COPS7B: variants seen among roughly 807,000 people sequenced by gnomAD.
COPS7B encodes the protein COP9 signalosome subunit 7B.
Under a neutral mutation model 33.4 loss-of-function variants are expected in COPS7B, and 9 were observed. The ratio of observed to expected loss-of-function variants is 0.27; its 90% CI spans 0.16 to 0.47. The LOEUF is 0.47. COPS7B is among the 20% of genes least tolerant of loss of function. The pLI is 0.99. For missense variants in COPS7B, 242 were observed against 318.2 expected (o/e 0.76, Z 1.82); for synonymous variants, 119 against 126.3 (o/e 0.94, Z 0.39).
chr2:231,799,258 T>C (rs1210241847), intron 6 of COPS7B, among the ~76,000 whole-genome samples: 1 of 151,924 alleles, frequency 6.6e-6, no homozygotes, highest in Non-Finnish European at 1.5e-5. Context: ...CAAAAGAAAA[T>C]GAGTTTGGGG....
chr2:231,807,982 C>G lies in COPS7B; in HGVS notation c.*337C>G, dbSNP rs2049944242. The G allele has an allele frequency of 4.6e-6, 1 of 216,686 alleles. No homozygotes were observed. The highest frequency in any genetic ancestry group is 5.5e-5 in the Admixed American group (1 of 18,212). The allele number at this position is 216,686 out of a possible 1,614,324, so 13.4% of individuals were successfully genotyped here. Reference sequence around the variant, plus strand: ...TTTTGCTCCACGTCATTTTGTCAGGCTGGTTATAAGCCGGAGGCAGCTTTA... The same window carrying G: ...TTTTGCTCCACGTCATTTTGTCAGGGTGGTTATAAGCCGGAGGCAGCTTTA... On this transcript the variant is annotated 3_prime_UTR_variant, in exon 7 of 7. Coordinates refer to ENST00000350033, the MANE Select transcript of COPS7B (RefSeq NM_022730.4).
intron 6 of COPS7B, among the ~76,000 whole-genome samples, chr2:231,805,573 C>T (rs573445907): frequency 6.6e-6 from 1 of 151,624 alleles, no homozygotes; most frequent in African/African-American, 2.4e-5. Context: ...AAGTGATCCT[C>T]CTGCCTCAGC....
chr2:231,788,168 G>A (rs963390186), intron 1 of COPS7B, among the ~76,000 whole-genome samples: 6 of 130,288 alleles, frequency 4.6e-5, no homozygotes, highest in Non-Finnish European at 6.2e-5. Flanking sequence ...AGACAGTCTC[G>A]CTCTGTTGCC....
chr2:231,789,227 G>A (rs2049339542), intron 2 of COPS7B: 1 of 153,198 alleles, frequency 6.5e-6, no homozygotes, highest in Admixed American at 6.5e-5. Context: ...TGAAAAGCTA[G>A]GACATAGTTC....
At chr2:231,789,271 T>C (rs16825960) in intron 2 of COPS7B, 11,006 of 152,780 alleles carry the variant, frequency 0.072, 438 homozygotes, top group South Asian at 0.091. Flanking sequence ...TATTAAAACC[T>C]TGGATATCCA....
intron 5 of COPS7B, among the ~76,000 whole-genome samples, chr2:231,798,277 G>A (rs1349643464): frequency 8.8e-6 from 1 of 113,590 alleles, no homozygotes; most frequent in Admixed American, 9.8e-5. Context: ...TTTTTTTTGC[G>A]GCAGAGTTTC....
intron 5 of COPS7B, among the ~76,000 whole-genome samples, chr2:231,797,621 T>C (rs1271496139): frequency 6.6e-6 from 1 of 152,162 alleles, no homozygotes; most frequent in Non-Finnish European, 1.5e-5. Context: ...TGTTTACTAG[T>C]AGAAACTCTT....
intron 4 of COPS7B, among the ~76,000 whole-genome samples, chr2:231,795,688 T>TGCACTCTGC (rs1454033794): frequency 6.6e-6 from 1 of 152,230 alleles, no homozygotes; most frequent in Non-Finnish European, 1.5e-5. Flanking sequence ...TGTTTGTTTT[T>TGCACTCTGC]GCACTCTGCT....
chr2:231,798,129 C>T (rs939690865), intron 5 of COPS7B, among the ~76,000 whole-genome samples: 12 of 152,074 alleles, frequency 7.9e-5, no homozygotes, highest in Non-Finnish European at 1.5e-4. Flanking sequence ...TCAGGTGATC[C>T]GCCTGCCTCG....
Position 231,807,755 on chromosome 2 carries a change from C to A in COPS7B, c.*110C>A, listed in dbSNP as rs748831744. The A allele has an allele frequency of 9.0e-6, 9 of 1,005,196 alleles. No individual in the cohort carries two copies. Among genetic ancestry groups the A allele is most frequent in the Non-Finnish European group, 1.3e-5 (9 of 704,378 alleles). 62.3% of individuals were successfully genotyped at this position (1,005,196 alleles called of 1,614,324 possible). A position where few individuals can be genotyped will look rare whatever the true frequency, so the allele number is the denominator to read the frequency against. ...GCAGTGAGTTCCAGACCTGCCCGTC[C>A]CCTCACCAGCGCCTCCCCACCCTGT... On this transcript the variant is annotated 3_prime_UTR_variant, in exon 7 of 7. Transcript: ENST00000350033.
intron 4 of COPS7B, 59 bp from the exon 5 acceptor site, chr2:231,796,047 G>C (rs2049557525): frequency 1.4e-6 from 2 of 1,475,716 alleles, no homozygotes; most frequent in Non-Finnish European, 1.9e-6. Flanking sequence ...AGTAATACCT[G>C]CATTTTCGCT....
chr2:231,792,145 T>C, intron 3 of COPS7B: 1 of 492,064 alleles, frequency 2.0e-6, no homozygotes, highest in Admixed American at 2.5e-5. Context: ...ATTTTAAATA[T>C]TATCAAAATA....
At chr2:231,792,038 C>G (rs2049432471) in intron 3 of COPS7B, 1 of 665,722 alleles carries the variant, frequency 1.5e-6, no homozygotes, top group African/African-American at 1.8e-5. Context: ...AAATGTAGCC[C>G]TTGTTTGTTT....
rs770876461 is a variant in COPS7B at position 231,794,266 on chromosome 2, A to T, written c.242A>T (p.Asn81Ile). 2.5e-6 allele frequency: 4 copies of T among 1,613,838 alleles called. No individual in the cohort carries two copies. Among genetic ancestry groups the T allele is most frequent in the Non-Finnish European group, 3.4e-6 (4 of 1,179,806 alleles). ...TGTGGTGGGTGGGACTGAGCAGCCA[A>T]CAAGGAGAGCCTGCCAGAACTGAGC... ...AYGTYPDYIANKESLPELSTA... is the reference protein window; with the variant it reads ...AYGTYPDYIAIKESLPELSTA... Residue 81 changes from asparagine (N) to isoleucine (I), a missense_variant, in exon 4 of 7, where the codon AAC (asparagine) becomes ATC (isoleucine). Transcript: ENST00000350033.
At chr2:231,785,208 T>C (rs1002380490), upstream of COPS7B, among the ~76,000 whole-genome samples, 5 of 152,252 alleles carry the variant, frequency 3.3e-5, no homozygotes, top group African/African-American at 1.2e-4. Flanking sequence ...GCACCTAGCA[T>C]GATCACTCTA....
intron 4 of COPS7B, 24 bp downstream of exon 4, chr2:231,794,375 T>C (rs1336924749): frequency 6.3e-7 from 1 of 1,589,228 alleles, no homozygotes; most frequent in East Asian, 2.2e-5. Flanking sequence ...CCTTCTCTTG[T>C]CTTCCTCCTT....
intron 2 of COPS7B, chr2:231,790,498 T>C (rs1338866513): frequency 6.6e-6 from 1 of 152,206 alleles, no homozygotes; most frequent in Admixed American, 6.5e-5. Flanking sequence ...ATAGGGTGCT[T>C]AGCAGACCAC....
intron 6 of COPS7B, among the ~76,000 whole-genome samples, chr2:231,803,622 C>G (rs1055864600): frequency 1.3e-5 from 2 of 152,116 alleles, no homozygotes; most frequent in Admixed American, 1.3e-4. Flanking sequence ...TGTTCAAAAG[C>G]TTTTGACAGG....
intron 3 of COPS7B, among the ~76,000 whole-genome samples, chr2:231,792,917 T>C (rs2049459776): frequency 6.6e-6 from 1 of 152,224 alleles, no homozygotes; most frequent in Non-Finnish European, 1.5e-5. Context: ...TACTTTGTGC[T>C]GCTGTCAGAC....
Sources: gnomAD v4.1 joint callset for allele counts (sites outside exome capture counted in the v4.1 genomes callset) on GRCh38, gnomAD v4.1.1 for gene constraint, MANE v1.5 for transcripts, NCBI Gene and HGNC (gene_info 2026-07-23, HGNC 2026-07-21) for gene names.